OR56A3: variants seen among roughly 807,000 people sequenced by gnomAD.
OR56A3 encodes the protein olfactory receptor 56A3.
A neutral mutation model predicts 17.5 loss-of-function variants in OR56A3; 23 were observed. That is an observed-to-expected ratio of 1.32 (90% CI 0.95 to 1.87). OR56A3 has a LOEUF of 1.87. Ranked by LOEUF, OR56A3 falls within the 40% of genes most tolerant of loss-of-function variation. The pLI is 0.00. For missense variants in OR56A3, 366 were observed against 380.1 expected, an observed-to-expected ratio of 0.96 and a Z score of 0.31; for synonymous variants, 175 against 150.6, an observed-to-expected ratio of 1.16 and a Z score of -1.19.
the OR56A3 span, among the ~76,000 whole-genome samples, chr11:5,959,113 T>C: frequency 6.6e-6 from 1 of 152,204 alleles, no homozygotes; most frequent in African/African-American, 2.4e-5. Flanking sequence ...CTCTTCAACA[T>C]ATGATTTTCT....
chr11:5,974,675 A>C, the OR56A3 span, among the ~76,000 whole-genome samples: 1 of 152,146 alleles, frequency 6.6e-6, no homozygotes, highest in Non-Finnish European at 1.5e-5. Context: ...GAGGACAAGG[A>C]CCTATGGTGA....
At chr11:5,980,517 T>A in the OR56A3 span, among the ~76,000 whole-genome samples, 1 of 152,180 alleles carries the variant, frequency 6.6e-6, no homozygotes, top group Non-Finnish European at 1.5e-5. Flanking sequence ...TCTTTTTTGT[T>A]TTCCATTTGC....
downstream of OR56A3, among the ~76,000 whole-genome samples, chr11:5,955,558 A>G (rs1847927898): frequency 6.6e-6 from 1 of 152,166 alleles, no homozygotes; most frequent in Admixed American, 6.5e-5. Flanking sequence ...AAGAGGGTCA[A>G]GCGGGCACCT....
downstream of OR56A3, among the ~76,000 whole-genome samples, chr11:5,954,429 G>A (rs1452562965): frequency 2.0e-5 from 3 of 152,186 alleles, no homozygotes; most frequent in African/African-American, 4.8e-5. Flanking sequence ...ATGAAATAAG[G>A]TGGTTGAGTC....
intron 2 of OR56A3, among the ~76,000 whole-genome samples, chr11:5,946,400 G>A (rs1250555935): frequency 6.6e-6 from 1 of 152,174 alleles, no homozygotes; most frequent in Non-Finnish European, 1.5e-5. Flanking sequence ...CAGGGAAGAG[G>A]GTTAAATGAT....
chr11:6,007,628 A>C, the OR56A3 span, among the ~76,000 whole-genome samples: 1 of 152,302 alleles, frequency 6.6e-6, no homozygotes, highest in African/African-American at 2.4e-5. Context: ...AAGAGAAAGA[A>C]AAAGAAAAAG....
At chr11:5,994,056 G>T in the OR56A3 span, 2 of 476,826 alleles carry the variant, frequency 4.2e-6, no homozygotes, top group South Asian at 3.1e-5. Context: ...CCTCCAGCTT[G>T]ACCTTGATGT....
the OR56A3 span, among the ~76,000 whole-genome samples, chr11:5,969,795 T>C: frequency 6.6e-6 from 1 of 152,216 alleles, no homozygotes; most frequent in East Asian, 1.9e-4. Flanking sequence ...GCAAAGGACA[T>C]CTAAAAGGGG....
chr11:6,020,624 A>T, the OR56A3 span: 11 of 152,130 alleles, frequency 7.2e-5, no homozygotes, highest in Admixed American at 6.5e-4. Flanking sequence ...TGTTGTTGTT[A>T]TGTAGGAATG....
At chr11:5,999,148 C>A in the OR56A3 span, among the ~76,000 whole-genome samples, 2 of 152,100 alleles carry the variant, frequency 1.3e-5, no homozygotes, top group Admixed American at 6.5e-5. Context: ...TACATGATAA[C>A]CCTCACATAA....
chr11:5,958,465 G>T, the OR56A3 span, among the ~76,000 whole-genome samples: 3 of 151,962 alleles, frequency 2.0e-5, no homozygotes, highest in Admixed American at 2.0e-4. Context: ...GTTTTTTATT[G>T]TTCACTTATT....
At chr11:5,983,466 T>TAA in the OR56A3 span, among the ~76,000 whole-genome samples, 2 of 138,666 alleles carry the variant, frequency 1.4e-5, no homozygotes, top group Admixed American at 7.3e-5. Flanking sequence ...GCACACATAC[T>TAA]AAAAAAAAAA....
chr11:5,943,847 G>A (rs1847853675), intron 1 of OR56A3, among the ~76,000 whole-genome samples: 1 of 152,196 alleles, frequency 6.6e-6, no homozygotes, highest in South Asian at 2.1e-4. Flanking sequence ...AGGAATAAAT[G>A]ACAAGAAAGT....
At chr11:5,970,861 T>TATCC in the OR56A3 span, among the ~76,000 whole-genome samples, 1 of 152,212 alleles carries the variant, frequency 6.6e-6, no homozygotes. Flanking sequence ...GTTTTTACAG[T>TATCC]ATCCAGAGCT....
chr11:5,983,355 A>C, the OR56A3 span, among the ~76,000 whole-genome samples: 2 of 151,914 alleles, frequency 1.3e-5, no homozygotes, highest in Non-Finnish European at 2.9e-5. Flanking sequence ...TGGGTTATTG[A>C]GATGTATTTA....
the OR56A3 span, chr11:5,986,034 G>A: frequency 6.2e-7 from 1 of 1,613,718 alleles, no homozygotes; most frequent in Non-Finnish European, 8.5e-7. Context: ...GTGGCATGAG[G>A]AGATACCGTG....
chr11:6,014,657 T>G, the OR56A3 span, among the ~76,000 whole-genome samples: 1 of 152,114 alleles, frequency 6.6e-6, no homozygotes, highest in African/African-American at 2.4e-5. Flanking sequence ...AATGGACAGA[T>G]GTTGGAAGAA....
At chr11:5,964,222 T>A in the OR56A3 span, among the ~76,000 whole-genome samples, 2 of 152,240 alleles carry the variant, frequency 1.3e-5, no homozygotes, top group African/African-American at 4.8e-5. Context: ...TCTCCATGTC[T>A]TCAGGGGCAA....
chr11:6,020,433 ATCCATGAGCACGG>A, the OR56A3 span: 6 of 152,206 alleles, frequency 3.9e-5, no homozygotes, highest in African/African-American at 1.4e-4. Context: ...GATTCTTCCT[ATCCATGAGCACGG>A]GATGTCTGTC....
Sources: allele counts gnomAD v4.1 joint callset (sites outside exome capture counted in the v4.1 genomes callset), GRCh38; gene constraint gnomAD v4.1.1; transcripts MANE v1.5; gene names NCBI Gene and HGNC (gene_info 2026-07-23, HGNC 2026-07-21).